COTL1: variants seen among roughly 807,000 people sequenced by gnomAD.
The protein encoded by COTL1 is coactosin-like protein.
In COTL1, 15 loss-of-function variants were observed where a neutral mutation model predicts 16.5. That is an observed-to-expected ratio of 0.91 (90% confidence interval 0.61 to 1.40). COTL1 has a LOEUF of 1.40. Among genes scored for constraint, COTL1 ranks in the 40% most tolerant of loss-of-function variants. The pLI, the probability that COTL1 is intolerant of heterozygous loss-of-function variation, is 0.00. For missense variants in COTL1, 220 were observed against 201.5 expected (o/e 1.09, Z -0.56); for synonymous variants, 112 against 85.3 (o/e 1.31, Z -1.73).
intron 2 of COTL1, among the ~76,000 whole-genome samples, chr16:84,610,308 G>C (rs1324153667): frequency 6.6e-6 from 1 of 152,078 alleles, no homozygotes; most frequent in Non-Finnish European, 1.5e-5. Context: ...ATATTACTTG[G>C]CTCATGAAAG....
intron 3 of COTL1, chr16:84,576,873 A>C (rs1156570363): frequency 6.6e-6 from 1 of 152,242 alleles, no homozygotes; most frequent in African/African-American, 2.4e-5. Context: ...GGGGACTAGA[A>C]TCTCCCCTCC....
chr16:84,589,464 G>A (rs1199729541), intron 3 of COTL1, among the ~76,000 whole-genome samples: 2 of 152,162 alleles, frequency 1.3e-5, no homozygotes, highest in Non-Finnish European at 2.9e-5. Flanking sequence ...CAGTAAGAGG[G>A]AGAGATTCCC....
intron 2 of COTL1, chr16:84,616,088 C>T (rs1489632371): frequency 1.3e-5 from 2 of 152,220 alleles, no homozygotes; most frequent in African/African-American, 2.4e-5. Flanking sequence ...TTTATACATA[C>T]TGACTCACTT....
intron 2 of COTL1, among the ~76,000 whole-genome samples, chr16:84,613,828 G>GC (rs569833379): frequency 6.7e-6 from 1 of 150,360 alleles, no homozygotes; most frequent in Admixed American, 6.6e-5. Flanking sequence ...GGGCTGCCCC[G>GC]CCCCCCACCC....
intron 2 of COTL1, among the ~76,000 whole-genome samples, chr16:84,606,737 C>A (rs1597184605): frequency 6.6e-6 from 1 of 152,214 alleles, no homozygotes; most frequent in African/African-American, 2.4e-5. Context: ...GACCCCTCAA[C>A]CAATGGGGGA....
chr16:84,579,297 G>A (rs1364113937), intron 3 of COTL1, among the ~76,000 whole-genome samples: 1 of 152,216 alleles, frequency 6.6e-6, no homozygotes, highest in Non-Finnish European at 1.5e-5. Flanking sequence ...AGGAGTTCGC[G>A]ACCAGTCTGG....
intron 3 of COTL1, among the ~76,000 whole-genome samples, chr16:84,581,024 C>T (rs948965823): frequency 3.3e-5 from 5 of 152,218 alleles, no homozygotes; most frequent in Admixed American, 6.5e-5. Flanking sequence ...TGCCTGTGGT[C>T]CCAGCTACTT....
chr16:84,573,752 A>ATATAT (rs1244547102), intron 3 of COTL1, among the ~76,000 whole-genome samples: 21 of 148,410 alleles, frequency 1.4e-4, no homozygotes, highest in Non-Finnish European at 1.8e-4. Context: ...AAAAAAAAAA[A>ATATAT]ATATATATAT....
rs1384386498 is a variant in COTL1, at chr16:84,590,944, G to A, written c.161-682C>T. On this transcript the variant is annotated intron_variant, in intron 2 of 3. Coordinates refer to ENST00000262428, the MANE Select transcript of COTL1 (RefSeq NM_021149.5). The surrounding 1 kb of genome is among the most constrained non-coding windows in gnomAD (Gnocchi z 5.5). Reference sequence around the variant, plus strand: ...TTTCACTTATGACTAGGGCAATTAGGTCAACAATGAATTCTGAACACATTT... The same window carrying A: ...TTTCACTTATGACTAGGGCAATTAGATCAACAATGAATTCTGAACACATTT... Among the ~76,000 whole-genome samples the A allele has an allele frequency of 1.3e-5, 2 of 152,134 alleles. No individual in the cohort carries two copies. Among genetic ancestry groups the A allele is most frequent in the African/African-American group, 2.4e-5 (1 of 41,422 alleles).
intron 3 of COTL1, among the ~76,000 whole-genome samples, chr16:84,586,726 G>A (rs780658566): frequency 3.3e-4 from 50 of 152,210 alleles, no homozygotes; most frequent in Non-Finnish European, 6.6e-4. Flanking sequence ...TGGGACTACA[G>A]GCCACGTGCC....
intron 3 of COTL1, among the ~76,000 whole-genome samples, chr16:84,588,485 C>T (rs1904785960): frequency 6.6e-6 from 1 of 152,070 alleles, no homozygotes; most frequent in South Asian, 2.1e-4. Flanking sequence ...TAGCACATTG[C>T]AGATAGCCTA....
intron 3 of COTL1, among the ~76,000 whole-genome samples, chr16:84,572,683 A>C (rs1904358960): frequency 6.6e-6 from 1 of 152,152 alleles, no homozygotes; most frequent in African/African-American, 2.4e-5. Flanking sequence ...GCTGGTCTCC[A>C]ACTCCTGGGC....
At chr16:84,580,708 C>T (rs1403396565) in intron 3 of COTL1, among the ~76,000 whole-genome samples, 3 of 152,206 alleles carry the variant, frequency 2.0e-5, no homozygotes, top group Non-Finnish European at 4.4e-5. Context: ...GCCTCAGTTT[C>T]CTCATCTGTA....
chr16:84,573,877 G>A lies in COTL1; in HGVS notation c.319-6922C>T, dbSNP rs184362538. On this transcript the variant is annotated intron_variant, in intron 3 of 3. Transcript: ENST00000262428. ...CTGAACAAAATAGTGAAGGGAGGTGGGGCGCTGTGGCTCACGCCGGTAATC... is the reference window on the plus strand; with the variant it reads ...CTGAACAAAATAGTGAAGGGAGGTGAGGCGCTGTGGCTCACGCCGGTAATC... Among the ~76,000 whole-genome samples the A allele has an allele frequency of 2.0e-3, 300 of 152,142 alleles. 2 individuals carry two copies. Among genetic ancestry groups the A allele is most frequent in the Non-Finnish European group, 3.0e-3 (202 of 67,994 alleles).
intron 2 of COTL1, among the ~76,000 whole-genome samples, chr16:84,605,922 T>C (rs928844109): frequency 2.0e-5 from 3 of 152,246 alleles, no homozygotes; most frequent in Non-Finnish European, 4.4e-5. Context: ...GGTCCACTGT[T>C]AACCATTGTT....
chr16:84,609,079 G>A (rs957719640), intron 2 of COTL1, among the ~76,000 whole-genome samples: 7 of 152,166 alleles, frequency 4.6e-5, no homozygotes, highest in Non-Finnish European at 1.0e-4. Flanking sequence ...CCTTAGGAAA[G>A]AAAGCAATTT....
intron 3 of COTL1, among the ~76,000 whole-genome samples, chr16:84,586,112 G>C (rs1904726471): frequency 6.6e-6 from 1 of 152,152 alleles, no homozygotes; most frequent in African/African-American, 2.4e-5. Flanking sequence ...TGACCCAGAG[G>C]GACCACCATA....
At chr16:84,603,157 G>A (rs973319000) in intron 2 of COTL1, among the ~76,000 whole-genome samples, 2 of 152,166 alleles carry the variant, frequency 1.3e-5, no homozygotes, top group Non-Finnish European at 2.9e-5. Flanking sequence ...CCTGGTTGGT[G>A]GGGGCAGACT....
In COTL1 at chr16:84,590,488, T is replaced by C; in HGVS notation, c.161-226A>G. ...ACAGTGCTGCAGGCTTCATGCCCAT[T>C]TCACAGATGGGAAATGGAGATTCAG... On this transcript the variant is annotated intron_variant, in intron 2 of 3. Coordinates refer to ENST00000262428, the MANE Select transcript of COTL1 (RefSeq NM_021149.5). The surrounding 1 kb of genome is among the most constrained non-coding windows in gnomAD (Gnocchi z 5.5). 2 of 401,898 alleles carry C rather than the reference T, an allele frequency of 5.0e-6. No individual in the cohort carries two copies. Among genetic ancestry groups the C allele is most frequent in the Non-Finnish European group, 8.9e-6 (2 of 225,516 alleles). 24.9% of individuals were successfully genotyped at this position (401,898 alleles called of 1,614,324 possible).
Sources: allele counts gnomAD v4.1 joint callset (sites outside exome capture counted in the v4.1 genomes callset), GRCh38; gene constraint gnomAD v4.1.1; non-coding constraint Gnocchi (gnomAD v3.1); transcripts MANE v1.5; gene names NCBI Gene and HGNC (gene_info 2026-07-23, HGNC 2026-07-21).